Variants in ZNF43 observed in about 807,000 individuals in gnomAD.
ZNF43 encodes the protein zinc finger protein 39-like 1 (KOX 27).
A neutral mutation model predicts 68.4 loss-of-function variants in ZNF43; 44 were observed. The ratio of observed to expected loss-of-function variants is 0.64; its 90% CI spans 0.51 to 0.83. The LOEUF is 0.83. Among genes scored for constraint, ZNF43 ranks in the 40% least tolerant of loss-of-function variants. The pLI, the probability that ZNF43 is intolerant of heterozygous loss-of-function variation, is 0.00. For synonymous variants in ZNF43, 308 were observed against 307.8 expected (o/e 1.00, Z -0.01); for missense variants, 896 against 933.2 (o/e 0.96, Z 0.52).
chr19:21,851,875 CT>C (rs1968399595), intron 1 of ZNF43: 24 of 1,561,776 alleles, frequency 1.5e-5, no homozygotes, highest in Non-Finnish European at 1.6e-5. Flanking sequence ...CTGCTCTCCC[CT>C]CTCGGGATGC....
intron 1 of ZNF43, among the ~76,000 whole-genome samples, chr19:21,835,164 G>A (rs2038639598): frequency 1.4e-5 from 2 of 143,944 alleles, no homozygotes; most frequent in Admixed American, 1.4e-4. Flanking sequence ...CAAGAAAATC[G>A]CTTGAATCCG....
chr19:21,849,578 G>GGTGGGT (rs1968201839), intron 1 of ZNF43, among the ~76,000 whole-genome samples: 1 of 151,058 alleles, frequency 6.6e-6, no homozygotes, highest in African/African-American at 2.4e-5. Context: ...GGGAGGCCGA[G>GGTGGGT]GTGGGTGGAT....
At chr19:21,812,783 T>C (rs925301648) in intron 3 of ZNF43, among the ~76,000 whole-genome samples, 2 of 151,860 alleles carry the variant, frequency 1.3e-5, no homozygotes, top group Non-Finnish European at 2.9e-5. Flanking sequence ...AAACCCCATC[T>C]CTACTAAAAA....
At chr19:21,829,057 AAAAAAAAAT>A in intron 1 of ZNF43, among the ~76,000 whole-genome samples, 1 of 146,228 alleles carries the variant, frequency 6.8e-6, no homozygotes, top group African/African-American at 2.6e-5. Context: ...AAAAAAAAAA[AAAAAAAAAT>A]TAGCCGGACG....
intron 1 of ZNF43, among the ~76,000 whole-genome samples, chr19:21,832,662 C>G (rs926409952): frequency 6.6e-6 from 1 of 151,972 alleles, no homozygotes; most frequent in Non-Finnish European, 1.5e-5. Context: ...GTCAGGAGTT[C>G]GAGACCAGCC....
intron 2 of ZNF43, 38 bp downstream of exon 2, chr19:21,819,057 A>C: frequency 1.3e-6 from 2 of 1,583,878 alleles, no homozygotes; most frequent in Non-Finnish European, 1.7e-6. Flanking sequence ...TGAAATCTTT[A>C]GGGTATATTA....
intron 1 of ZNF43, among the ~76,000 whole-genome samples, chr19:21,820,337 T>C (rs1482113147): frequency 8.7e-6 from 1 of 115,244 alleles, no homozygotes; most frequent in Non-Finnish European, 1.8e-5. Context: ...CCCAGCACTT[T>C]GGGAGGTCAA....
chr19:21,811,592 G>C (rs2037276004), intron 3 of ZNF43, among the ~76,000 whole-genome samples: 2 of 149,912 alleles, frequency 1.3e-5, no homozygotes, highest in African/African-American at 4.9e-5. Context: ...ACAATAAAGA[G>C]GCATTATACT....
chr19:21,808,489 G>A lies in ZNF43; in HGVS notation c.1548C>T (p.Gly516=). The change falls in exon 4 of 4, where the codon GGC becomes GGT. Residue 516 remains glycine (G), a synonymous_variant. Coordinates refer to ENST00000354959, the MANE Select transcript of ZNF43 (RefSeq NM_003423.4). ...EKKPYKCEEC[G]KAFKWSSKLT... ...GCTTTGAGGACCACTTAAAAGCTTT[G>A]CCACATTCTTCACATTTGTAGGGTT... The A allele has an allele frequency of 6.2e-7, 1 of 1,613,206 alleles. No homozygotes were observed. Among genetic ancestry groups the A allele is most frequent in the African/African-American group, 1.3e-5 (1 of 74,906 alleles).
chr19:21,846,885 A>C (rs1397236639), intron 1 of ZNF43, among the ~76,000 whole-genome samples: 1 of 152,176 alleles, frequency 6.6e-6, no homozygotes, highest in East Asian at 1.9e-4. Flanking sequence ...ACAATGGCCC[A>C]AGTGGCCAAA....
In ZNF43 at chr19:21,819,193, A is replaced by G. The variant is rs751018078; in HGVS notation, c.32T>C (p.Ile11Thr). ...TTGCCACTCCTCCAGACAGAATTCT[A>G]TGGCCACATCCATAAATGTCAATGG... is the stretch of plus-strand genomic sequence containing the variant. The part of the protein sequence containing the change: MGPLTFMDVA[I>T]EFCLEEWQCL... Residue 11 changes from isoleucine (I) to threonine (T), a missense_variant, in exon 2 of 4, where the codon ATA becomes ACA. Ile to Thr is a moderately conservative substitution (Grantham distance 89). Transcript: ENST00000354959. 2.5e-6 allele frequency: 4 copies of G among 1,605,954 alleles called. No homozygotes were observed. Among genetic ancestry groups the G allele is most frequent in the Non-Finnish European group, 3.4e-6 (4 of 1,177,584 alleles).
chr19:21,811,535 TA>T (rs34404573), intron 3 of ZNF43, among the ~76,000 whole-genome samples: 242 of 112,828 alleles, frequency 2.1e-3, no homozygotes, highest in Non-Finnish European at 3.7e-3. Flanking sequence ...ACTCTGTCTC[TA>T]AAAAAAAAAA....
At chr19:21,849,227 G>A (rs1235963172) in intron 1 of ZNF43, among the ~76,000 whole-genome samples, 3 of 152,104 alleles carry the variant, frequency 2.0e-5, no homozygotes, top group Non-Finnish European at 2.9e-5. Context: ...GGTGGCTGGC[G>A]CCTGTAACCC....
Position 21,807,616 on chromosome 19 carries a change from G to C in ZNF43, c.2421C>G (p.Asn807Lys). 6.5e-7 allele frequency: 1 copy of C among 1,536,246 alleles called. No homozygotes were observed. The highest frequency in any genetic ancestry group is 8.7e-7 in the Non-Finnish European group (1 of 1,145,532). The change falls in exon 4 of 4, where the codon AAC becomes AAG. Residue 807 changes from asparagine (N) to lysine (K), a missense_variant. Physicochemically the swap from Asn to Lys is moderately conservative, Grantham distance 94. Coordinates refer to ENST00000354959, the MANE Select transcript of ZNF43 (RefSeq NM_003423.4). ...TTCTCACCAGTATAATTTATTTTAT[G>C]TTTGAAAAAGTTTGAGGTGTTGTCA... ...VILTTPQTFS[N>K]IK
chr19:21,844,714 G>C (rs1599546638), intron 1 of ZNF43, among the ~76,000 whole-genome samples: 1 of 150,704 alleles, frequency 6.6e-6, no homozygotes, highest in East Asian at 2.0e-4. Context: ...TGGCTAACAC[G>C]GTGAAACCCC....
At position 21,808,678 on chromosome 19, in the gene ZNF43, G is replaced by T. The variant is rs771710969; in HGVS notation, c.1359C>A (p.Pro453=). The T allele has an allele frequency of 2.5e-6, 4 of 1,613,126 alleles. No homozygotes were observed. The East Asian group carries it at 8.9e-5, about 36-fold the overall frequency. The change falls in exon 4 of 4, where the codon CCC becomes CCA. Residue 453 remains proline (P), a synonymous_variant. Transcript: ENST00000354959. ...CTTTGCCACATACTTCACATTTGTA[G>T]GGTTTCTCTCCAGTATGAATTCTGT... The part of the protein sequence containing the change: ...KHNRIHTGEK[P]YKCEVCGKAF...
chr19:21,835,324 G>A (rs1464748364), intron 1 of ZNF43, among the ~76,000 whole-genome samples: 2 of 148,890 alleles, frequency 1.3e-5, no homozygotes, highest in Admixed American at 6.7e-5. Flanking sequence ...TGGCATTTGG[G>A]AATGTCAGAA....
intron 1 of ZNF43, among the ~76,000 whole-genome samples, chr19:21,847,600 C>T (rs1194299325): frequency 2.6e-5 from 4 of 151,692 alleles, no homozygotes; most frequent in South Asian, 2.1e-4. Context: ...AGGAGGCCAA[C>T]GCAGAAGAAT....
intron 3 of ZNF43, among the ~76,000 whole-genome samples, chr19:21,814,712 A>G (rs2145194105): frequency 6.6e-6 from 1 of 152,170 alleles, no homozygotes; most frequent in East Asian, 1.9e-4. Context: ...CCGGCCAATT[A>G]AAGCCCAATA....
Sources: gnomAD v4.1 joint callset for allele counts (sites outside exome capture counted in the v4.1 genomes callset) on GRCh38, gnomAD v4.1.1 for gene constraint, MANE v1.5 for transcripts, NCBI Gene and HGNC (gene_info 2026-07-23, HGNC 2026-07-21) for gene names.